Variants in ITPR2 observed in about 807,000 individuals in gnomAD.
The protein encoded by ITPR2 is inositol 1,4,5-trisphosphate-gated calcium channel ITPR2.
Under a neutral mutation model 317.1 loss-of-function variants are expected in ITPR2, and 207 were observed. The ratio of observed to expected loss-of-function variants is 0.65; its 90% CI spans 0.58 to 0.73. The LOEUF (loss-of-function observed/expected upper bound fraction) is 0.73, where lower values mean the gene tolerates loss of function less well. ITPR2 is among the 30% of genes least tolerant of loss of function. The probability of loss-of-function intolerance (pLI) is 0.00; values close to 1 mark genes in which losing one functional copy is unlikely to be tolerated. For missense variants in ITPR2, 2,613 were observed against 3,284.0 expected (o/e 0.80, Z 4.99); for synonymous variants, 1,156 against 1,149.1 (o/e 1.01, Z -0.12).
At chr12:26,769,383 T>C (rs1393158075) in intron 2 of ITPR2, among the ~76,000 whole-genome samples, 3 of 152,274 alleles carry the variant, frequency 2.0e-5, no homozygotes, top group African/African-American at 7.2e-5. Context: ...GGGCACCTGT[T>C]CAGAGAAGAT....
chr12:26,536,741 G>C (rs370179548), intron 37 of ITPR2, among the ~76,000 whole-genome samples: 3 of 152,356 alleles, frequency 2.0e-5, no homozygotes, highest in African/African-American at 7.2e-5. Context: ...TGGCTACACA[G>C]CCGAGATTGA....
At chr12:26,813,669 A>C (rs972881479) in intron 1 of ITPR2, among the ~76,000 whole-genome samples, 1 of 152,142 alleles carries the variant, frequency 6.6e-6, no homozygotes, top group Non-Finnish European at 1.5e-5. Flanking sequence ...GCTGATGTCA[A>C]GGTGAAGTTT....
chr12:26,552,889 TC>T (rs1397998530), intron 36 of ITPR2, among the ~76,000 whole-genome samples: 9 of 152,214 alleles, frequency 5.9e-5, no homozygotes, highest in Non-Finnish European at 1.0e-4. Flanking sequence ...ATTGAAAATA[TC>T]AACCATAAGG....
At chr12:26,380,440 T>C (rs559636002) in intron 55 of ITPR2, among the ~76,000 whole-genome samples, 137 of 152,238 alleles carry the variant, frequency 9.0e-4, no homozygotes, top group Middle Eastern at 3.4e-3. Flanking sequence ...GGACTTAACA[T>C]GTGGGAAGTG....
chr12:26,467,538 A>G (rs1011949863), intron 45 of ITPR2, among the ~76,000 whole-genome samples: 1 of 152,188 alleles, frequency 6.6e-6, no homozygotes, highest in African/African-American at 2.4e-5. Flanking sequence ...CAGCTATCCT[A>G]TTAGACTTTG....
At chr12:26,419,484 G>A (rs1257776567) in intron 49 of ITPR2, 1 of 289,186 alleles carries the variant, frequency 3.5e-6, no homozygotes, top group Non-Finnish European at 6.5e-6. Context: ...TCCAGGAAGA[G>A]AGAGAATGGT....
intron 26 of ITPR2, among the ~76,000 whole-genome samples, chr12:26,615,301 G>T (rs1946351928): frequency 6.6e-6 from 1 of 151,968 alleles, no homozygotes; most frequent in Non-Finnish European, 1.5e-5. Context: ...GATAAAAAAT[G>T]ACCAAATATA....
chr12:26,756,446 C>T (rs1357580935), intron 2 of ITPR2, among the ~76,000 whole-genome samples: 1 of 152,212 alleles, frequency 6.6e-6, no homozygotes, highest in African/African-American at 2.4e-5. Flanking sequence ...AGCCTTCTTA[C>T]TTGGTTTTCT....
In ITPR2 at chr12:26,483,938, T is replaced by A. The variant is rs558235962; in HGVS notation, c.5812-40A>T. 3.3e-6 allele frequency: 5 copies of A among 1,528,824 alleles called. No individual in the cohort carries two copies. The South Asian group carries it at 5.6e-5, about 17-fold the overall frequency. 94.7% of individuals were successfully genotyped at this position (1,528,824 alleles called of 1,614,324 possible). A position where few individuals can be genotyped will look rare whatever the true frequency, so the allele number is the denominator to read the frequency against. On this transcript the variant is annotated intron_variant, in intron 41 of 56. Coordinates refer to ENST00000381340, the MANE Select transcript of ITPR2 (RefSeq NM_002223.4). ...AAATAAAATTGAAGGGTTACAAAAA[T>A]TCACTGTGCTGATTGTTTGCTGTTC...
chr12:26,648,303 T>C (rs2170640), intron 21 of ITPR2, among the ~76,000 whole-genome samples: 52,663 of 152,110 alleles, frequency 0.35, 9,550 homozygotes, highest in Non-Finnish European at 0.41. Flanking sequence ...CCTCCTCTTC[T>C]GCTCTCCTGC....
rs534943286 is a variant in ITPR2, at chr12:26,577,379, A to G, written c.4630+1334T>C. The stretch of plus-strand genomic sequence containing the variant: ...GTGGAAACATTAAAGTTATTAGTTT[A>G]TCTGAGGAGAACTGGCATCTTTATC... On this transcript the variant is annotated intron_variant, in intron 34 of 56. Transcript: ENST00000381340. Among the ~76,000 whole-genome samples, 3 of 152,376 alleles carry G rather than the reference A, an allele frequency of 2.0e-5. No individual in the cohort carries two copies. The East Asian group carries it at 5.8e-4, about 29-fold the overall frequency.
At chr12:26,489,247 C>T (rs1942743973) in intron 39 of ITPR2, among the ~76,000 whole-genome samples, 1 of 152,132 alleles carries the variant, frequency 6.6e-6, no homozygotes, top group Non-Finnish European at 1.5e-5. Context: ...GGGAAAGAAA[C>T]TCCAAGTGTT....
intron 10 of ITPR2, among the ~76,000 whole-genome samples, chr12:26,688,748 A>C (rs184218337): frequency 1.1e-4 from 16 of 152,224 alleles, no homozygotes; most frequent in African/African-American, 3.9e-4. Flanking sequence ...TCTAAGAGTA[A>C]ATAAAAACTC....
chr12:26,691,043 C>T (rs1948230657), intron 10 of ITPR2, among the ~76,000 whole-genome samples: 1 of 152,182 alleles, frequency 6.6e-6, no homozygotes, highest in Non-Finnish European at 1.5e-5. Context: ...AGTGCTGTAG[C>T]CTTAAGCATT....
intron 37 of ITPR2, among the ~76,000 whole-genome samples, chr12:26,529,337 A>G (rs549609855): frequency 3.3e-5 from 5 of 152,274 alleles, no homozygotes; most frequent in Admixed American, 3.3e-4. Context: ...CCTGTCACTG[A>G]GCCCTTTCTA....
rs993631001 is a variant in ITPR2 at position 26,599,968 on chromosome 12, A to C, written c.3801+19T>G. On this transcript the variant is annotated intron_variant, in intron 29 of 56. Transcript: ENST00000381340. ...ATGCACACTTTACTAGAAATACTAG[A>C]AGCCACTAAAATACTTACACCTGGA... 6.4e-7 allele frequency: 1 copy of C among 1,572,564 alleles called. No homozygotes were observed.
At chr12:26,749,300 C>T (rs1328360886) in intron 2 of ITPR2, among the ~76,000 whole-genome samples, 1 of 152,216 alleles carries the variant, frequency 6.6e-6, no homozygotes, top group African/African-American at 2.4e-5. Flanking sequence ...TCATACATTT[C>T]TGGAAGAAAA....
At chr12:26,811,426 C>T (rs1565783180) in intron 1 of ITPR2, among the ~76,000 whole-genome samples, 1 of 150,976 alleles carries the variant, frequency 6.6e-6, no homozygotes, top group Non-Finnish European at 1.5e-5. Context: ...CTGGCTAACG[C>T]GGTGAAACCC....
At chr12:26,700,240 C>A (rs557246220) in intron 9 of ITPR2, among the ~76,000 whole-genome samples, 18 of 152,110 alleles carry the variant, frequency 1.2e-4, no homozygotes, top group Non-Finnish European at 2.6e-4. Context: ...GAGAAGGTAG[C>A]ATTTGAGATA....
Sources: allele counts gnomAD v4.1 joint callset (sites outside exome capture counted in the v4.1 genomes callset), GRCh38; gene constraint gnomAD v4.1.1; transcripts MANE v1.5; gene names NCBI Gene and HGNC (gene_info 2026-07-23, HGNC 2026-07-21).